USP48: variants seen among roughly 807,000 people sequenced by gnomAD.
USP48 encodes ubiquitin carboxyl-terminal hydrolase 48.
USP48 carries 43 observed loss-of-function variants against 150.7 expected under a neutral mutation model. The observed-to-expected ratio is 0.29, with a 90% CI of 0.22 to 0.37. USP48 has a LOEUF of 0.37. Ranked by LOEUF, USP48 falls within the 10% of genes least tolerant of loss-of-function variation. The pLI, the probability that USP48 is intolerant of heterozygous loss-of-function variation, is 1.00. For synonymous variants in USP48, 396 were observed against 425.9 expected, an observed-to-expected ratio of 0.93 and a Z score of 0.86; for missense variants, 813 against 1,249.6, an observed-to-expected ratio of 0.65 and a Z score of 5.27.
In USP48 at chr1:21,757,868, C is replaced by T; in HGVS notation, c.135-85G>A. 2.1e-6 allele frequency: 3 copies of T among 1,425,748 alleles called. No homozygotes were observed. The South Asian group carries it at 4.4e-5, about 21-fold the overall frequency. 88.3% of individuals were successfully genotyped at this position (1,425,748 alleles called of 1,614,324 possible). On this transcript the variant is annotated intron_variant, in intron 1 of 26. Coordinates refer to ENST00000308271, the MANE Select transcript of USP48 (RefSeq NM_032236.8). ...AAATTAAAACTAAAATGAGATACCA[C>T]TTCTCATCTATAAATTAGCAAAACT...
rs569752827 is a variant in USP48, at chr1:21,713,133, T to C, written c.1963+2256A>G. Among the ~76,000 whole-genome samples, 19 of 152,076 alleles carry C rather than the reference T, an allele frequency of 1.2e-4. No homozygotes were observed. In the East Asian group the frequency reaches 3.7e-3, roughly 29 times the overall value. On this transcript the variant is annotated intron_variant, in intron 15 of 26. Transcript: ENST00000308271. ...TTTGTTTTGTTTTGAGACAAGGTCT[T>C]GCTTGGTCGCCCAGGCTGGAGTACA...
chr1:21,706,402 C>T (rs1353769002), intron 17 of USP48, 65 bp downstream of exon 17: 1 of 1,605,794 alleles, frequency 6.2e-7, no homozygotes, highest in African/African-American at 1.3e-5. Context: ...AAATAGCTCA[C>T]TGGGAATTTG....
intron 14 of USP48, among the ~76,000 whole-genome samples, chr1:21,716,970 G>A (rs1012696694): frequency 2.6e-5 from 4 of 151,978 alleles, no homozygotes; most frequent in African/African-American, 9.7e-5. Flanking sequence ...AGAGCTTATG[G>A]TGAGCCCAGA....
At chr1:21,757,586 G>T (rs1449868563) in intron 2 of USP48, 77 bp downstream of exon 2, 1 of 1,509,868 alleles carries the variant, frequency 6.6e-7, no homozygotes, top group African/African-American at 1.4e-5. Context: ...AGAGTTTTCT[G>T]ATCACAGGCC....
At chr1:21,778,096 T>C (rs925985640) in intron 1 of USP48, among the ~76,000 whole-genome samples, 1 of 149,908 alleles carries the variant, frequency 6.7e-6, no homozygotes, top group Non-Finnish European at 1.5e-5. Context: ...TGAGCCGAGA[T>C]GGCATCACTG....
At chr1:21,751,742 A>G in intron 5 of USP48, 127 bp from the exon 6 acceptor site, 1 of 711,604 alleles carries the variant, frequency 1.4e-6, no homozygotes, top group East Asian at 2.7e-5. Context: ...CACAGAAATT[A>G]TGTATACTAA....
chr1:21,698,225 CTT>C (rs1248549909), intron 22 of USP48, among the ~76,000 whole-genome samples: 1 of 152,036 alleles, frequency 6.6e-6, no homozygotes, highest in African/African-American at 2.4e-5. Context: ...GAAGGTTACA[CTT>C]GAGATTTTTT....
chr1:21,749,084 T>C (rs1489583197), intron 6 of USP48, among the ~76,000 whole-genome samples: 6 of 152,248 alleles, frequency 3.9e-5, no homozygotes, highest in Admixed American at 3.9e-4. Flanking sequence ...GGTTTCTTTT[T>C]AAAATTTGCC....
In USP48 at chr1:21,752,207, A is replaced by C. The variant is rs539618738; in HGVS notation, c.665+320T>G. On this transcript the variant is annotated intron_variant, in intron 5 of 26. Transcript: ENST00000308271. Reference sequence around the variant, plus strand: ...AATGTTGTATATTGTACTCATGCACATTTTTTTAACAGGCATTTTACATTT... The same window carrying C: ...AATGTTGTATATTGTACTCATGCACCTTTTTTTAACAGGCATTTTACATTT... Among the ~76,000 whole-genome samples, 9 of 152,062 alleles carry C rather than the reference A, an allele frequency of 5.9e-5. No individual in the cohort carries two copies. The South Asian group carries it at 1.9e-3, about 32-fold the overall frequency.
chr1:21,736,488 T>C lies in USP48; in HGVS notation c.1129A>G (p.Met377Val). The C allele has an allele frequency of 6.2e-7, 1 of 1,611,970 alleles. No homozygotes were observed. Among genetic ancestry groups the C allele is most frequent in the Non-Finnish European group, 8.5e-7 (1 of 1,179,280 alleles). ...YKFNDEDIEKMEGKKLQLGIE... is the reference protein window; with the variant it reads ...YKFNDEDIEKVEGKKLQLGIE... ...CCTAGTTGTAATTTCTTCCCCTCCA[T>C]CTTTTCTATGTCTTCATCATTAAAC... The change falls in exon 9 of 27, where the codon ATG becomes GTG. Residue 377 changes from methionine (M) to valine (V), a missense_variant. By Grantham distance (21) the Met-to-Val change is conservative. Transcript: ENST00000308271.
intron 23 of USP48, among the ~76,000 whole-genome samples, chr1:21,692,108 T>C (rs2097603599): frequency 6.6e-6 from 1 of 152,090 alleles, no homozygotes; most frequent in Non-Finnish European, 1.5e-5. Context: ...AGAACAAGGA[T>C]AACAGCACTG....
At chr1:21,738,357 CTT>C (rs1269797546) in intron 8 of USP48, among the ~76,000 whole-genome samples, 16 of 91,374 alleles carry the variant, frequency 1.8e-4, no homozygotes, top group Non-Finnish European at 2.3e-4. Context: ...CACGCCTGGC[CTT>C]TTTTTTTTTT....
Position 21,709,832 on chromosome 1 carries a change from TTAAA to T in USP48, c.1964-2968_1964-2965del, listed in dbSNP as rs922922745. ...ATTCATTTCTGAGATCAGAATAATA[TTAAA>T]TAGTCATTTTACTGTAGTCTAGTTG... is the stretch of plus-strand genomic sequence containing the variant. On this transcript the variant is annotated intron_variant, in intron 15 of 26. Coordinates refer to ENST00000308271, the MANE Select transcript of USP48 (RefSeq NM_032236.8). Among the ~76,000 whole-genome samples, 8 of 152,292 alleles carry T rather than the reference TTAAA, an allele frequency of 5.3e-5. No individual in the cohort carries two copies. In the East Asian group the frequency reaches 5.8e-4, roughly 11 times the overall value.
chr1:21,765,632 G>GA (rs2097859900), intron 1 of USP48, among the ~76,000 whole-genome samples: 1 of 151,642 alleles, frequency 6.6e-6, no homozygotes, highest in African/African-American at 2.4e-5. Context: ...AAAAGGGGGG[G>GA]ACAGCCCGAA....
intron 22 of USP48, among the ~76,000 whole-genome samples, chr1:21,698,809 G>A (rs1252292744): frequency 5.3e-5 from 8 of 151,948 alleles, no homozygotes; most frequent in Non-Finnish European, 1.2e-4. Flanking sequence ...GCAGGAGAAT[G>A]GCTTGAACCT....
Position 21,729,855 on chromosome 1 carries a change from T to C in USP48, c.1172-23A>G, listed in dbSNP as rs762694370. ...CTGCTGAGATAGAGAAATCAAAAGG[T>C]ACCTTAACTTAAGTGCCTAGAGTTT... On this transcript the variant is annotated intron_variant, in intron 9 of 26. Transcript: ENST00000308271. 29 of 1,613,722 alleles carry C rather than the reference T, an allele frequency of 1.8e-5. No individual in the cohort carries two copies. In the East Asian group the frequency reaches 5.6e-4, roughly 31 times the overall value.
At chr1:21,778,561 G>A (rs1254305301) in intron 1 of USP48, among the ~76,000 whole-genome samples, 2 of 126,376 alleles carry the variant, frequency 1.6e-5, no homozygotes, top group African/African-American at 6.0e-5. Context: ...GAGCCCAGGA[G>A]TTCAAGGACA....
intron 1 of USP48, among the ~76,000 whole-genome samples, chr1:21,764,742 A>G (rs954802006): frequency 2.0e-5 from 3 of 150,642 alleles, no homozygotes; most frequent in African/African-American, 7.3e-5. Context: ...ACTTGATTAC[A>G]TAGGCATGAC....
intron 6 of USP48, among the ~76,000 whole-genome samples, chr1:21,748,983 A>G (rs1363592407): frequency 6.6e-6 from 1 of 152,250 alleles, no homozygotes; most frequent in Non-Finnish European, 1.5e-5. Context: ...ATACAAAATT[A>G]TATACATATT....
Sources: allele counts gnomAD v4.1 joint callset (sites outside exome capture counted in the v4.1 genomes callset), GRCh38; gene constraint gnomAD v4.1.1; transcripts MANE v1.5; gene names NCBI Gene and HGNC (gene_info 2026-07-23, HGNC 2026-07-21).